The following SLC2A9 variants were observed in gnomAD, a reference collection of about 807,000 sequenced individuals.
SLC2A9 encodes the protein solute carrier family 2 member 9, also known as solute carrier family 2, facilitated glucose transporter member 9.
Under a neutral mutation model 50.6 loss-of-function variants are expected in SLC2A9, and 39 were observed. The ratio of observed to expected loss-of-function variants is 0.77; its 90% confidence interval spans 0.60 to 1.01. The LOEUF is 1.01. Ranked by LOEUF, SLC2A9 falls within the 50% of genes least tolerant of loss-of-function variation. SLC2A9 has a pLI of 0.00. For missense variants in SLC2A9, 686 were observed against 677.6 expected, an observed-to-expected ratio of 1.01 and a Z score of -0.14; for synonymous variants, 324 against 276.9, an observed-to-expected ratio of 1.17 and a Z score of -1.69.
intron 1 of SLC2A9, among the ~76,000 whole-genome samples, chr4:10,029,946 T>A (rs1389566993): frequency 6.6e-6 from 1 of 152,114 alleles, no homozygotes; most frequent in Non-Finnish European, 1.5e-5. Flanking sequence ...GAGATAAATT[T>A]TTTTTTTAAA....
chr4:9,987,830 A>G (rs959987046), intron 3 of SLC2A9, among the ~76,000 whole-genome samples: 3 of 152,156 alleles, frequency 2.0e-5, no homozygotes, highest in Non-Finnish European at 2.9e-5. Flanking sequence ...TCCGTCTTGA[A>G]AAAAAAAGAA....
chr4:9,845,427 CT>C (rs1175166447), intron 10 of SLC2A9, among the ~76,000 whole-genome samples: 7,847 of 108,468 alleles, frequency 0.072, 167 homozygotes, highest in East Asian at 0.18. Flanking sequence ...TCATCAATTT[CT>C]TTTTTTTTTT....
At chr4:9,785,806 T>G (rs1719142603) in intron 3 of SLC2A9, among the ~76,000 whole-genome samples, 1 of 152,210 alleles carries the variant, frequency 6.6e-6, no homozygotes, top group Non-Finnish European at 1.5e-5. Flanking sequence ...TGTACTATAT[T>G]GCACTGCATT....
intron 1 of SLC2A9, among the ~76,000 whole-genome samples, chr4:10,029,898 A>C (rs937864396): frequency 8.5e-5 from 13 of 152,060 alleles, no homozygotes; most frequent in Non-Finnish European, 1.6e-4. Flanking sequence ...AGCCTCCCAA[A>C]GTGCTGGGAT....
chr4:9,841,752 CA>C (rs1402127739), intron 10 of SLC2A9, among the ~76,000 whole-genome samples: 1 of 152,112 alleles, frequency 6.6e-6, no homozygotes, highest in African/African-American at 2.4e-5. Flanking sequence ...TCCATGTTGT[CA>C]GGGGCATATT....
chr4:9,858,011 C>G (rs1416696217), intron 10 of SLC2A9, among the ~76,000 whole-genome samples: 3 of 152,180 alleles, frequency 2.0e-5, no homozygotes, highest in Non-Finnish European at 2.9e-5. Flanking sequence ...GTCTCAGAAA[C>G]CCCTTCAGAG....
intron 5 of SLC2A9, among the ~76,000 whole-genome samples, chr4:9,945,376 T>C (rs1429740932): frequency 6.6e-6 from 1 of 152,256 alleles, no homozygotes; most frequent in East Asian, 1.9e-4. Flanking sequence ...AGCACAGGCC[T>C]GCACACACTG....
At chr4:9,959,168 C>G (rs150295421) in intron 5 of SLC2A9, among the ~76,000 whole-genome samples, 1,542 of 149,848 alleles carry the variant, frequency 0.01, 90 homozygotes, top group Admixed American at 0.09. Flanking sequence ...CAATGTGGTT[C>G]GAGATCAGCT....
At chr4:9,792,896 C>CG (rs1720142979) in intron 3 of SLC2A9, 1 of 153,046 alleles carries the variant, frequency 6.5e-6, no homozygotes, top group Non-Finnish European at 1.5e-5. Context: ...ATTTTTGAGA[C>CG]GGAGTTTCGC....
chr4:9,979,018 C>T (rs1348468648), intron 5 of SLC2A9, among the ~76,000 whole-genome samples: 2 of 152,206 alleles, frequency 1.3e-5, no homozygotes, highest in Non-Finnish European at 2.9e-5. Flanking sequence ...CAGTGAGGCT[C>T]AGTAGCTGGG....
Position 9,887,596 on chromosome 4 carries a change from GC to G in SLC2A9, c.1261del (p.Ala421ProfsTer17). 6.4e-7 allele frequency: 1 copy of G among 1,571,486 alleles called. No homozygotes were observed. The highest frequency in any genetic ancestry group is 8.6e-7 in the Non-Finnish European group (1 of 1,158,092). ...CCCACTGCAGAAAGAGGCGATGATGGCCAGAATGCCCACGATACTCAGGTAG... is the reference window on the plus strand; with the variant it reads ...CCCACTGCAGAAAGAGGCGATGATGGCAGAATGCCCACGATACTCAGGTAG... Reference protein sequence around the residue: ...VPYLSIVGILAIIASFCSGPG... With the variant: ...VPYLSIVGILXIIASFCSGPG... On this transcript the variant is annotated frameshift_variant, in exon 10 of 12. Coordinates refer to ENST00000264784, the MANE Select transcript of SLC2A9 (RefSeq NM_020041.3). LOFTEE classifies it high-confidence loss of function.
intron 10 of SLC2A9, among the ~76,000 whole-genome samples, chr4:9,886,432 G>C (rs1332553645): frequency 1.9e-5 from 1 of 51,352 alleles, no homozygotes; most frequent in African/African-American, 3.0e-4. Context: ...CACTGTGTGT[G>C]TGTGTGTGTG....
In SLC2A9 at chr4:9,977,297, C is replaced by G. The variant is rs142097148; in HGVS notation, c.681+3295G>C. Reference sequence around the variant, plus strand: ...GGGACGTTTTTTGTTTTTTAAAGGTCAGTTTCCAATATTTACAAATTATGA... The same window carrying G: ...GGGACGTTTTTTGTTTTTTAAAGGTGAGTTTCCAATATTTACAAATTATGA... On this transcript the variant is annotated intron_variant, in intron 5 of 11. Transcript: ENST00000264784. 2.8e-3 allele frequency among the ~76,000 whole-genome samples: 419 copies of G among 152,262 alleles called. 6 individuals are homozygous for G. The highest frequency in any genetic ancestry group is 9.8e-3 in the African/African-American group (409 of 41,536).
At chr4:9,808,066 C>T (rs1371247308) in intron 3 of SLC2A9, among the ~76,000 whole-genome samples, 1 of 152,222 alleles carries the variant, frequency 6.6e-6, no homozygotes, top group Non-Finnish European at 1.5e-5. Context: ...CCATTGCCAT[C>T]TCTGGGCTGG....
At chr4:9,908,954 A>G (rs1454380534) in intron 7 of SLC2A9, among the ~76,000 whole-genome samples, 2 of 152,114 alleles carry the variant, frequency 1.3e-5, no homozygotes, top group Non-Finnish European at 2.9e-5. Flanking sequence ...CTGGAGCCTC[A>G]GCAGCCTTTT....
chr4:9,872,757 C>G (rs182611868), intron 10 of SLC2A9, among the ~76,000 whole-genome samples: 9 of 152,330 alleles, frequency 5.9e-5, no homozygotes, highest in Non-Finnish European at 1.2e-4. Context: ...GAATTCACTA[C>G]GCAGACATGA....
At chr4:9,929,070 T>C (rs1292538646) in intron 6 of SLC2A9, among the ~76,000 whole-genome samples, 1 of 152,236 alleles carries the variant, frequency 6.6e-6, no homozygotes, top group African/African-American at 2.4e-5. Flanking sequence ...CTACATCGTT[T>C]AATGAGGTTC....
At chr4:9,772,245 T>G (rs1716919076) in intron 1 of SLC2A9, among the ~76,000 whole-genome samples, 1 of 151,968 alleles carries the variant, frequency 6.6e-6, no homozygotes, top group Non-Finnish European at 1.5e-5. Context: ...AATTAGGAGG[T>G]GGCACTGGGG....
chr4:9,782,375 T>C (rs985876615), intron 3 of SLC2A9: 1 of 1,613,918 alleles, frequency 6.2e-7, no homozygotes, highest in African/African-American at 1.3e-5. Context: ...CTGCGACGTC[T>C]GGGTGGCCTT....
Sources: allele counts gnomAD v4.1 joint callset (sites outside exome capture counted in the v4.1 genomes callset), GRCh38; gene constraint gnomAD v4.1.1; transcripts MANE v1.5; gene names NCBI Gene and HGNC (gene_info 2026-07-23, HGNC 2026-07-21).